FSIP1: variants seen among roughly 807,000 people sequenced by gnomAD.
FSIP1 encodes fibrous sheath-interacting protein 1.
A neutral mutation model predicts 60.9 loss-of-function variants in FSIP1; 65 were observed. That is an observed-to-expected ratio of 1.07 (90% CI 0.87 to 1.31). FSIP1 has a LOEUF of 1.31. FSIP1 is among the 40% of genes most tolerant of loss of function. The probability of loss-of-function intolerance (pLI) is 0.00; values close to 1 mark genes in which losing one functional copy is unlikely to be tolerated. For missense variants in FSIP1, 675 were observed against 665.5 expected (o/e 1.01, Z -0.16); for synonymous variants, 209 against 221.2 (o/e 0.94, Z 0.49).
At chr15:39,695,500 A>G (rs1018605115) in intron 10 of FSIP1, among the ~76,000 whole-genome samples, 1 of 152,078 alleles carries the variant, frequency 6.6e-6, no homozygotes, top group African/African-American at 2.4e-5. Flanking sequence ...TGTCCCCTAT[A>G]TAATTTTAAA....
chr15:39,642,267 GA>G (rs1345407029), intron 10 of FSIP1, among the ~76,000 whole-genome samples: 12 of 152,162 alleles, frequency 7.9e-5, no homozygotes, highest in East Asian at 5.8e-4. Context: ...TAATGGGACC[GA>G]AGAGTCTTAA....
At chr15:39,693,350 A>G (rs1894681528) in intron 10 of FSIP1, among the ~76,000 whole-genome samples, 2 of 152,168 alleles carry the variant, frequency 1.3e-5, no homozygotes, top group African/African-American at 4.8e-5. Flanking sequence ...GATTTGAAGC[A>G]ACCACTTCTT....
chr15:39,667,277 A>T (rs1893534307), intron 10 of FSIP1, among the ~76,000 whole-genome samples: 1 of 152,330 alleles, frequency 6.6e-6, no homozygotes, highest in Non-Finnish European at 1.5e-5. Flanking sequence ...ACACAACAGC[A>T]TACACTATAA....
chr15:39,618,711 A>G (rs1891334679), intron 10 of FSIP1, among the ~76,000 whole-genome samples: 1 of 152,222 alleles, frequency 6.6e-6, no homozygotes, highest in South Asian at 2.1e-4. Flanking sequence ...GAATGATTTG[A>G]TCATGCATAC....
At chr15:39,762,044 G>C (rs1168434508) in intron 5 of FSIP1, among the ~76,000 whole-genome samples, 1 of 152,190 alleles carries the variant, frequency 6.6e-6, no homozygotes, top group African/African-American at 2.4e-5. Context: ...CGTATGTCTA[G>C]TCTTGGTTAT....
rs148693404 is a variant in FSIP1 at position 39,718,215 on chromosome 15, T to A, written c.1051-4634A>T. On this transcript the variant is annotated intron_variant, in intron 9 of 11. Coordinates refer to ENST00000350221, the MANE Select transcript of FSIP1 (RefSeq NM_152597.5). ...AAAAACTCTAACATAGATATATACA[T>A]AGATAGATAGATAGATATAGATACA... 5.9e-3 allele frequency among the ~76,000 whole-genome samples: 889 copies of A among 151,780 alleles called. 7 individuals are homozygous for A. The highest frequency in any genetic ancestry group is 0.02 in the African/African-American group (837 of 41,376).
chr15:39,603,080 C>T (rs1031762217), intron 11 of FSIP1, among the ~76,000 whole-genome samples: 3 of 152,154 alleles, frequency 2.0e-5, no homozygotes, highest in East Asian at 1.9e-4. Flanking sequence ...ATTAAACACC[C>T]GACAATGCAC....
intron 10 of FSIP1, 50 bp from the exon 11 acceptor site, chr15:39,618,295 ATTTAT>A: frequency 6.8e-7 from 1 of 1,475,706 alleles, no homozygotes; most frequent in East Asian, 2.3e-5. Flanking sequence ...GAGTAAACAC[ATTTAT>A]TTTTGGTAGG....
At chr15:39,767,609 C>T (rs771726027) in intron 3 of FSIP1, among the ~76,000 whole-genome samples, 19 of 152,312 alleles carry the variant, frequency 1.2e-4, no homozygotes, top group Middle Eastern at 3.4e-3. Context: ...CATATAAACC[C>T]GAGACCTTAA....
chr15:39,688,615 TTTA>T (rs1375417088), intron 10 of FSIP1, among the ~76,000 whole-genome samples: 188 of 152,228 alleles, frequency 1.2e-3, no homozygotes, highest in African/African-American at 4.4e-3. Context: ...GCCACAAACT[TTTA>T]AAACTGGGTA....
At chr15:39,656,870 C>T (rs542953285) in intron 10 of FSIP1, among the ~76,000 whole-genome samples, 2 of 152,290 alleles carry the variant, frequency 1.3e-5, no homozygotes, top group Admixed American at 6.5e-5. Flanking sequence ...TCATGTGTGC[C>T]TCCATTTCAT....
chr15:39,632,829 C>T (rs994953405), intron 10 of FSIP1, among the ~76,000 whole-genome samples: 1 of 151,980 alleles, frequency 6.6e-6, no homozygotes. Flanking sequence ...GGAAGTCAGA[C>T]AAAATAATGA....
At chr15:39,710,441 G>GAAAAAAAA (rs397945950) in intron 10 of FSIP1, among the ~76,000 whole-genome samples, 12 of 74,218 alleles carry the variant, frequency 1.6e-4, no homozygotes, top group African/African-American at 2.9e-4. Context: ...CTCTGTCTCA[G>GAAAAAAAA]AAAAAAAAAA....
At chr15:39,705,316 T>C (rs1281620692) in intron 10 of FSIP1, among the ~76,000 whole-genome samples, 5 of 152,146 alleles carry the variant, frequency 3.3e-5, no homozygotes, top group African/African-American at 9.7e-5. Flanking sequence ...AAAATGTTCT[T>C]TATTTTTTAA....
chr15:39,748,061 A>G (rs1391865197), intron 5 of FSIP1, among the ~76,000 whole-genome samples: 2 of 152,112 alleles, frequency 1.3e-5, no homozygotes, highest in Non-Finnish European at 2.9e-5. Context: ...CATTACTCCA[A>G]TAAGTGCATT....
intron 7 of FSIP1, among the ~76,000 whole-genome samples, chr15:39,738,663 C>T (rs1430595356): frequency 1.3e-5 from 2 of 152,054 alleles, no homozygotes; most frequent in African/African-American, 2.4e-5. Flanking sequence ...CTACGGTAGA[C>T]CTGCTATCTG....
At chr15:39,685,889 T>A (rs935148656) in intron 10 of FSIP1, among the ~76,000 whole-genome samples, 1 of 152,212 alleles carries the variant, frequency 6.6e-6, no homozygotes, top group African/African-American at 2.4e-5. Flanking sequence ...ATGCTCTCTG[T>A]ACATTACATG....
At chr15:39,630,525 G>A (rs1186623281) in intron 10 of FSIP1, among the ~76,000 whole-genome samples, 1 of 152,162 alleles carries the variant, frequency 6.6e-6, no homozygotes, top group Non-Finnish European at 1.5e-5. Flanking sequence ...TTGCACTGGG[G>A]GTGGGGCATG....
chr15:39,719,021 G>A (rs1242328198), intron 9 of FSIP1, among the ~76,000 whole-genome samples: 3 of 152,154 alleles, frequency 2.0e-5, no homozygotes, highest in Non-Finnish European at 4.4e-5. Context: ...TAGACCCAAA[G>A]GATATATAAC....
Sources: allele counts gnomAD v4.1 joint callset (sites outside exome capture counted in the v4.1 genomes callset), GRCh38; gene constraint gnomAD v4.1.1; transcripts MANE v1.5; gene names NCBI Gene and HGNC (gene_info 2026-07-23, HGNC 2026-07-21).